FHDC1: variants seen among roughly 807,000 people sequenced by gnomAD.
FHDC1 encodes the protein FH2 domain containing 1.
A neutral mutation model predicts 52.6 loss-of-function variants in FHDC1; 25 were observed. The ratio of observed to expected loss-of-function variants is 0.48; its 90% confidence interval spans 0.35 to 0.66. The LOEUF is 0.66. Among genes scored for constraint, FHDC1 ranks in the 30% least tolerant of loss-of-function variants. The probability of loss-of-function intolerance (pLI) is 0.01; values close to 1 mark genes in which losing one functional copy is unlikely to be tolerated. For missense variants in FHDC1, 1,459 were observed against 1,452.8 expected (o/e 1.00, Z -0.07); for synonymous variants, 616 against 581.5 (o/e 1.06, Z -0.85).
chr4:152,938,143 C>G (rs952408401), intron 1 of FHDC1, among the ~76,000 whole-genome samples: 1 of 151,968 alleles, frequency 6.6e-6, no homozygotes, highest in African/African-American at 2.4e-5. Flanking sequence ...GAAGGAGCAG[C>G]CGGCGCTCCC....
Position 152,963,096 on chromosome 4 carries a change from A to G in FHDC1, c.995A>G (p.Lys332Arg). The G allele has an allele frequency of 6.2e-7, 1 of 1,614,098 alleles. No homozygotes were observed. The highest frequency in any genetic ancestry group is 8.5e-7 in the Non-Finnish European group (1 of 1,180,036). The change falls in exon 8 of 12, where the codon AAA becomes AGA. Residue 332 changes from lysine (K) to arginine (R), a missense_variant. Lys to Arg is a conservative substitution (Grantham distance 26). This residue lies in a region of FHDC1 where 513 missense variants were observed against 581.5 expected (regional missense o/e 0.88). Coordinates refer to ENST00000511601, the MANE Select transcript of FHDC1 (RefSeq NM_001371116.1). ...AAATTGGCAGACACAAAAGCAAACAAACCTGGGATGAATCTCCTGCACTTT... is the reference window on the plus strand; with the variant it reads ...AAATTGGCAGACACAAAAGCAAACAGACCTGGGATGAATCTCCTGCACTTT... ...LLKLADTKAN[K>R]PGMNLLHFVA...
In FHDC1 at chr4:152,942,836, CAT is replaced by C. The variant is rs569134300; in HGVS notation, c.-130-89_-130-88del. The C allele has an allele frequency of 1.0e-3, 527 of 524,250 alleles. 4 individuals are homozygous for C. Among genetic ancestry groups the C allele is most frequent in the African/African-American group, 9.1e-3 (477 of 52,166 alleles). 32.5% of individuals were successfully genotyped at this position (524,250 alleles called of 1,614,324 possible). A position where few individuals can be genotyped will look rare whatever the true frequency, so the allele number is the denominator to read the frequency against. On this transcript the variant is annotated intron_variant, in intron 1 of 11. Coordinates refer to ENST00000511601, the MANE Select transcript of FHDC1 (RefSeq NM_001371116.1). The stretch of plus-strand genomic sequence containing the variant: ...CCCTCATTGATTTTCATATCCAACT[CAT>C]ATGGGAGGATTGATACTAGCCTCTG...
rs1462669909 is a variant in FHDC1 at position 152,976,001 on chromosome 4, A to G, written c.2710A>G (p.Lys904Glu). ...CGCCTCAGAGAACGAGAGCATGCGC[A>G]AGGTCATGCCCATCACCAAGTCCAG... ...LTASENESMR[K>E]VMPITKSSRG... Residue 904 changes from lysine to glutamate, a missense_variant, in exon 12 of 12, where the codon AAG becomes GAG. Physicochemically the swap from Lys to Glu is moderately conservative, Grantham distance 56. Coordinates refer to ENST00000511601, the MANE Select transcript of FHDC1 (RefSeq NM_001371116.1). 3 of 1,535,244 alleles carry G rather than the reference A, an allele frequency of 2.0e-6. No homozygotes were observed. The highest frequency in any genetic ancestry group is 2.1e-5 in the Admixed American group (1 of 46,590).
chr4:152,958,469 C>T (rs1211233160), intron 4 of FHDC1, among the ~76,000 whole-genome samples: 1 of 151,212 alleles, frequency 6.6e-6, no homozygotes, highest in Admixed American at 6.6e-5. Context: ...TAAATACGGT[C>T]TTTCCATCAC....
upstream of FHDC1, among the ~76,000 whole-genome samples, chr4:152,931,935 TAAAAAAAA>T (rs200667161): frequency 1.0e-5 from 1 of 95,266 alleles, no homozygotes; most frequent in East Asian, 2.9e-4. Flanking sequence ...AGAACCTGTC[TAAAAAAAA>T]AAAAAAAAAA....
chr4:152,937,594 G>A (rs1739429139), intron 1 of FHDC1, among the ~76,000 whole-genome samples: 1 of 151,726 alleles, frequency 6.6e-6, no homozygotes, highest in Admixed American at 6.6e-5. Flanking sequence ...CGCTGCGGAA[G>A]GCCGAGGGTC....
chr4:152,972,378 T>G lies in FHDC1; in HGVS notation c.1220T>G (p.Phe407Cys), dbSNP rs779826952. 1 of 1,595,586 alleles carries G rather than the reference T, an allele frequency of 6.3e-7. No individual in the cohort carries two copies. The highest frequency in any genetic ancestry group is 1.8e-5 in the Admixed American group (1 of 54,424). ...GTGTGTTCGTTTGTTTTTCCGCAGT[T>G]TGCCATAGAAAAGCTGAGGGAACTG... ...LCQQMEDFLQ[F>C]AIEKLRELEC... is the part of the protein sequence containing the mutation. Residue 407 changes from phenylalanine to cysteine, a missense_variant and splice_region_variant, in exon 11 of 12, where the codon TTT becomes TGT. Phe to Cys is a radical substitution (Grantham distance 205). Transcript: ENST00000511601.
the FHDC1 span, among the ~76,000 whole-genome samples, chr4:152,920,684 A>C: frequency 6.6e-6 from 1 of 152,202 alleles, no homozygotes; most frequent in East Asian, 1.9e-4. Context: ...TAGAGTTATC[A>C]TTTTAAGCCT....
At chr4:152,914,289 C>G in the FHDC1 span, among the ~76,000 whole-genome samples, 1 of 152,092 alleles carries the variant, frequency 6.6e-6, no homozygotes, top group Non-Finnish European at 1.5e-5. Flanking sequence ...CATAAATGGG[C>G]CTTTATAATA....
At chr4:152,931,936 A>T (rs1236811645), upstream of FHDC1, among the ~76,000 whole-genome samples, 1 of 17,256 alleles carries the variant, frequency 5.8e-5, no homozygotes, top group Non-Finnish European at 1.2e-4. Flanking sequence ...GAACCTGTCT[A>T]AAAAAAAAAA....
At chr4:152,914,310 TGG>T in the FHDC1 span, among the ~76,000 whole-genome samples, 3 of 152,198 alleles carry the variant, frequency 2.0e-5, no homozygotes, top group African/African-American at 7.2e-5. Context: ...AATTGCCAAG[TGG>T]TCATCGTAAT....
the FHDC1 span, chr4:152,928,205 C>A: frequency 1.3e-6 from 1 of 765,126 alleles, no homozygotes; most frequent in Admixed American, 1.8e-5. Flanking sequence ...CCTTGAGGCC[C>A]CTAGTTTCTC....
chr4:152,930,040 C>T, the FHDC1 span, among the ~76,000 whole-genome samples: 1 of 152,218 alleles, frequency 6.6e-6, no homozygotes, highest in Non-Finnish European at 1.5e-5. Context: ...GCTTGCCCTG[C>T]ACTCCCTCCC....
At chr4:152,951,610 C>G (rs920479542) in intron 2 of FHDC1, among the ~76,000 whole-genome samples, 1 of 152,156 alleles carries the variant, frequency 6.6e-6, no homozygotes, top group African/African-American at 2.4e-5. Context: ...TTAACAGTCT[C>G]GCTGCTGGTT....
At position 152,975,981 on chromosome 4, in the gene FHDC1, C is replaced by T. The variant is rs771500698; in HGVS notation, c.2690C>T (p.Ser897Leu). The change falls in exon 12 of 12, where the codon TCA becomes TTA. Residue 897 changes from serine (S) to leucine (L), a missense_variant. Physicochemically the swap from Ser to Leu is moderately radical, Grantham distance 145 (BLOSUM62 -2). Transcript: ENST00000511601. ...VAKSVRTLTA[S>L]ENESMRKVMP... Reference sequence around the variant, plus strand: ...AAGTCTGTGCGGACCCTGACCGCCTCAGAGAACGAGAGCATGCGCAAGGTC... The same window carrying T: ...AAGTCTGTGCGGACCCTGACCGCCTTAGAGAACGAGAGCATGCGCAAGGTC... The T allele has an allele frequency of 6.6e-7, 1 of 1,523,412 alleles. No homozygotes were observed. The highest frequency in any genetic ancestry group is 1.3e-5 in the South Asian group (1 of 76,114). 94.4% of individuals were successfully genotyped at this position (1,523,412 alleles called of 1,614,324 possible).
intron 2 of FHDC1, among the ~76,000 whole-genome samples, chr4:152,949,124 T>TAATAATAAGAAGAAGAAG (rs1347590282): frequency 9.1e-4 from 68 of 74,688 alleles, no homozygotes; most frequent in African/African-American, 2.1e-3. Context: ...ATAATAATAA[T>TAATAATAAGAAGAAGAAG]AAGAAGAAGA....
At chr4:152,956,675 A>G (rs1322715288) in intron 4 of FHDC1, among the ~76,000 whole-genome samples, 1 of 152,012 alleles carries the variant, frequency 6.6e-6, no homozygotes, top group Non-Finnish European at 1.5e-5. Context: ...GCTGAAATGA[A>G]AGTATTGGCC....
chr4:152,924,798 G>A, the FHDC1 span, among the ~76,000 whole-genome samples: 4 of 146,344 alleles, frequency 2.7e-5, no homozygotes, highest in Non-Finnish European at 5.9e-5. Flanking sequence ...CTTATAGGTG[G>A]GAATTGAACA....
At chr4:152,925,913 A>G in the FHDC1 span, among the ~76,000 whole-genome samples, 1 of 151,904 alleles carries the variant, frequency 6.6e-6, no homozygotes, top group Admixed American at 6.6e-5. Context: ...GGAGAAGGAG[A>G]AGGAGAAGAA....
Sources: gnomAD v4.1 joint callset for allele counts (sites outside exome capture counted in the v4.1 genomes callset) on GRCh38, gnomAD v4.1.1 for gene constraint, gnomAD v4.1.1 regional missense constraint, MANE v1.5 for transcripts, NCBI Gene and HGNC (gene_info 2026-07-23, HGNC 2026-07-21) for gene names.